The following CPSF1 variants were observed in gnomAD, a reference collection of about 807,000 sequenced individuals.
CPSF1 encodes cleavage and polyadenylation specific factor 1.
Under a neutral mutation model 175.8 loss-of-function variants are expected in CPSF1, and 106 were observed. The observed-to-expected ratio is 0.60, with a 90% CI of 0.52 to 0.71. The LOEUF (loss-of-function observed/expected upper bound fraction) is 0.71. CPSF1 is among the 30% of genes least tolerant of loss of function. The pLI, the probability that CPSF1 is intolerant of heterozygous loss-of-function variation, is 0.00. For missense variants in CPSF1, 1,734 were observed against 2,022.9 expected (o/e 0.86, Z 2.74); for synonymous variants, 1,024 against 858.3 (o/e 1.19, Z -3.37).
rs2116866671 is a variant in CPSF1 at position 144,399,824 on chromosome 8, G to A, written c.1076C>T (p.Ala359Val). 5.1e-6 allele frequency: 8 copies of A among 1,557,242 alleles called. No homozygotes were observed. The highest frequency in any genetic ancestry group is 4.8e-5 in the East Asian group (2 of 41,292). The change falls in exon 11 of 38, where the codon GCG becomes GTG. Residue 359 changes from alanine to valine, a missense_variant. Transcript: ENST00000616140. This position sits in a 1 kb window ranked among gnomAD's most constrained non-coding sequence, Gnocchi z 6.4. ...LITDGMRSVR[A>V]FHFDKAAASV... ...GGCGGCCGCCTTGTCAAAGTGGAAC[G>A]CTCGGACACTGCGCATGCCGTCGGT...
Position 144,399,738 on chromosome 8 carries a change from G to C in CPSF1, c.1120-28C>G. 2 of 1,602,484 alleles carry C rather than the reference G, an allele frequency of 1.2e-6. No homozygotes were observed. Among genetic ancestry groups the C allele is most frequent in the Admixed American group, 3.4e-5 (2 of 58,454 alleles). On this transcript the variant is annotated intron_variant, in intron 11 of 37. Transcript: ENST00000616140. The surrounding 1 kb of genome is among the most constrained non-coding windows in gnomAD (Gnocchi z 6.4). ...GAGGGAGGGCAGGTGTGTGATGGCT[G>C]GGCCGGGTCTGGACCCAGACCCAAC... is the stretch of plus-strand genomic sequence containing the variant.
rs1820888169 is a variant in CPSF1, at chr8:144,398,053, G to A, written c.1974C>T (p.Ile658=). The change falls in exon 20 of 38, where the codon ATC becomes ATT. Residue 658 remains isoleucine (I), a synonymous_variant. Transcript: ENST00000616140. ...QCAVADPYVV[I]MSAEGHVTMF... is the part of the protein sequence containing the mutation. ...TGGTGACGTGGCCCTCGGCACTCAT[G>A]ATGACCACATAGGGGTCGGCCACGG... 1 of 1,612,448 alleles carries A rather than the reference G, an allele frequency of 6.2e-7. No homozygotes were observed.
chr8:144,400,305 G>A, intron 8 of CPSF1, 29 bp from the exon 9 acceptor site: 3 of 1,610,878 alleles, frequency 1.9e-6, no homozygotes, highest in Non-Finnish European at 2.5e-6. Context: ...TGGTGGGCAG[G>A]CTCAGTGCTC....
At position 144,399,976 on chromosome 8, in the gene CPSF1, C is replaced by T. The variant is rs200643769; in HGVS notation, c.1031+16G>A. 1.4e-4 allele frequency: 147 copies of T among 1,051,862 alleles called. No individual in the cohort carries two copies. The highest frequency in any genetic ancestry group is 3.9e-4 in the East Asian group (9 of 23,246). 65.2% of individuals were successfully genotyped at this position (1,051,862 alleles called of 1,614,324 possible). On this transcript the variant is annotated intron_variant, in intron 10 of 37. Transcript: ENST00000616140. The surrounding 1 kb of genome is among the most constrained non-coding windows in gnomAD (Gnocchi z 6.4). ...GGGCGGTGTGGGCAGAGTTCATGGG[C>T]GGGGGAGGGGCTCACATCTCGCCGC...
Position 144,398,035 on chromosome 8 carries a change from G to T in CPSF1, c.1992C>A (p.His664Gln), listed in dbSNP as rs372432847. 1.9e-6 allele frequency: 3 copies of T among 1,612,220 alleles called. No individual in the cohort carries two copies. In the African/African-American group the frequency reaches 4.0e-5, roughly 22 times the overall value. ...PYVVIMSAEG[H>Q]VTMFLLKSDS... ...CACTCTTCAGCAGGAACATGGTGAC[G>T]TGGCCCTCGGCACTCATGATGACCA... is the stretch of plus-strand genomic sequence containing the variant. Residue 664 changes from histidine (H) to glutamine (Q), a missense_variant, in exon 20 of 38, where the codon CAC (histidine) becomes CAA (glutamine). Around this residue, in one of 10 missense-constraint regions of CPSF1, gnomAD observed 280 missense variants for 349.2 expected, o/e 0.80. Transcript: ENST00000616140.
In CPSF1 at chr8:144,393,604, G is replaced by A; in HGVS notation, c.4146-14C>T. The A allele has an allele frequency of 1.9e-6, 3 of 1,600,558 alleles. No homozygotes were observed. The highest frequency in any genetic ancestry group is 2.5e-6 in the Non-Finnish European group (3 of 1,177,042). ...ACGTGCAGCATCCTGGGGCGTACAGGCACAGGTGTCAGGGCAGGCTGGGGT... is the reference window on the plus strand; with the variant it reads ...ACGTGCAGCATCCTGGGGCGTACAGACACAGGTGTCAGGGCAGGCTGGGGT... On this transcript the variant is annotated splice_polypyrimidine_tract_variant and intron_variant, in intron 36 of 37. Transcript: ENST00000616140.
Position 144,398,104 on chromosome 8 carries a change from G to A in CPSF1, c.1923C>T (p.Asp641=), listed in dbSNP as rs1554864788. 1.9e-6 allele frequency: 3 copies of A among 1,601,676 alleles called. No individual in the cohort carries two copies. The highest frequency in any genetic ancestry group is 1.7e-4 in the Middle Eastern group (1 of 6,010). Residue 641 remains aspartate (D), a synonymous_variant, in exon 20 of 38, where the codon GAC becomes GAT. Coordinates refer to ENST00000616140, the MANE Select transcript of CPSF1 (RefSeq NM_013291.3). Reference sequence around the variant, plus strand: ...CGCACTGCACGATGGGGGCGCCCAGGTCCACGGGGATGAAGTGCAGCTGAT... The same window carrying A: ...CGCACTGCACGATGGGGGCGCCCAGATCCACGGGGATGAAGTGCAGCTGAT... ...GVNQLHFIPV[D]LGAPIVQCAV...
chr8:144,404,512 C>T (rs1327811228), intron 2 of CPSF1, among the ~76,000 whole-genome samples: 1 of 151,416 alleles, frequency 6.6e-6, no homozygotes, highest in Non-Finnish European at 1.5e-5. Context: ...ACTACAAGCG[C>T]CCACCACCAC....
At position 144,398,336 on chromosome 8, in the gene CPSF1, T is replaced by C; in HGVS notation, c.1860A>G (p.Gln620=). The C allele has an allele frequency of 1.3e-6, 2 of 1,481,592 alleles. No homozygotes were observed. Among genetic ancestry groups the C allele is most frequent in the East Asian group, 2.5e-5 (1 of 39,280 alleles). The allele number at this position is 1,481,592 out of a possible 1,614,324, so 91.8% of individuals were successfully genotyped here. The change falls in exon 19 of 38, where the codon CAA becomes CAG. Residue 620 remains glutamine, a synonymous_variant. Coordinates refer to ENST00000616140, the MANE Select transcript of CPSF1 (RefSeq NM_013291.3). ...GCAGGCGGATGCCCAGTGGTGACAC[T>C]TGGACAATGTAGCGGTTGTCCCCGA... ...GNIGDNRYIV[Q]VSPLGIRLLE...
chr8:144,398,742 C>A (rs1230581694), intron 17 of CPSF1, 37 bp downstream of exon 17: 1 of 1,590,900 alleles, frequency 6.3e-7, no homozygotes, highest in East Asian at 2.2e-5. Context: ...AGCGCCGGTC[C>A]CATCCCAGGG....
At position 144,396,436 on chromosome 8, in the gene CPSF1, T is replaced by C; in HGVS notation, c.2891A>G (p.His964Arg). 1.3e-6 allele frequency: 2 copies of C among 1,595,414 alleles called. No individual in the cohort carries two copies. Among genetic ancestry groups the C allele is most frequent in the South Asian group, 1.1e-5 (1 of 89,428 alleles). ...LVTGRGALRL[H>R]PMAIDGPVDS... ...GACCGGGCCGTCGATGGCCATGGGGTGTAGCCGCAGAGCCCCTCGGCCGGT... is the reference window on the plus strand; with the variant it reads ...GACCGGGCCGTCGATGGCCATGGGGCGTAGCCGCAGAGCCCCTCGGCCGGT... Residue 964 changes from histidine (H) to arginine (R), a missense_variant, in exon 26 of 38, where the codon CAC becomes CGC. Transcript: ENST00000616140.
At chr8:144,408,200 C>G (rs1449889219) in intron 2 of CPSF1, among the ~76,000 whole-genome samples, 1 of 152,088 alleles carries the variant, frequency 6.6e-6, no homozygotes. Context: ...TCCCTCCATC[C>G]CCACCACCAC....
Position 144,398,051 on chromosome 8 carries a change from A to G in CPSF1, c.1976T>C (p.Met659Thr), listed in dbSNP as rs781863095. 8.1e-6 allele frequency: 13 copies of G among 1,612,336 alleles called. No individual in the cohort carries two copies. The highest frequency in any genetic ancestry group is 4.5e-5 in the East Asian group (2 of 44,888). ...CAVADPYVVI[M>T]SAEGHVTMFL... The stretch of plus-strand genomic sequence containing the variant: ...CATGGTGACGTGGCCCTCGGCACTC[A>G]TGATGACCACATAGGGGTCGGCCAC... The change falls in exon 20 of 38, where the codon ATG becomes ACG. Residue 659 changes from methionine (M) to threonine (T), a missense_variant. Met to Thr is a moderately conservative substitution (Grantham distance 81). Transcript: ENST00000616140.
chr8:144,398,672 A>G (rs2116853412), intron 17 of CPSF1, 34 bp from the exon 18 acceptor site: 11 of 1,611,804 alleles, frequency 6.8e-6, no homozygotes, highest in Admixed American at 6.7e-5. Context: ...GCTGGAAGCC[A>G]CAGTCCAGTG....
rs781853967 is a variant in CPSF1, at chr8:144,394,145, C to T, written c.3827G>A (p.Arg1276His). The change falls in exon 34 of 38, where the codon CGC becomes CAC. Residue 1276 changes from arginine to histidine, a missense_variant. This residue lies in a region of CPSF1 where 323 missense variants were observed against 338.5 expected (regional missense o/e 0.95). Transcript: ENST00000616140. ...QLGFLVSDRDRNLMVYMYLPE... is the reference protein window; with the variant it reads ...QLGFLVSDRDHNLMVYMYLPE... ...CAGGTACATGTACACCATGAGGTTGCGGTCGCGGTCAGACACTGGGGAGCA... is the reference window on the plus strand; with the variant it reads ...CAGGTACATGTACACCATGAGGTTGTGGTCGCGGTCAGACACTGGGGAGCA... The T allele has an allele frequency of 1.4e-5, 22 of 1,612,634 alleles. No individual in the cohort carries two copies. The South Asian group carries it at 1.5e-4, about 11-fold the overall frequency.
chr8:144,401,148 C>T, intron 5 of CPSF1, 63 bp downstream of exon 5: 8 of 1,573,870 alleles, frequency 5.1e-6, no homozygotes, highest in Non-Finnish European at 6.9e-6. Flanking sequence ...CCACAGAACC[C>T]AGCTGCAGGG....
chr8:144,395,567 A>AG lies in CPSF1; in HGVS notation c.2980-17dup, dbSNP rs1271205952. 7.3e-5 allele frequency: 20 copies of AG among 273,854 alleles called. No homozygotes were observed. The Admixed American group carries it at 9.7e-4, about 13-fold the overall frequency. 17.0% of individuals were successfully genotyped at this position (273,854 alleles called of 1,614,324 possible). A position where few individuals can be genotyped will look rare whatever the true frequency, so the allele number is the denominator to read the frequency against. On this transcript the variant is annotated splice_polypyrimidine_tract_variant and intron_variant, in intron 26 of 37. Transcript: ENST00000616140. Reference sequence around the variant, plus strand: ...TCAGCTCGCCCTGGGGTGGGGGCACAGGGGTCAGGGGATCCAGGGCTAGCC... The same window carrying AG: ...TCAGCTCGCCCTGGGGTGGGGGCACAGGGGGTCAGGGGATCCAGGGCTAGCC...
At chr8:144,395,983 G>A (rs1209684856) in intron 26 of CPSF1, 2 of 393,394 alleles carry the variant, frequency 5.1e-6, no homozygotes, top group Non-Finnish European at 9.4e-6. Flanking sequence ...CTTAAATAGG[G>A]AACCAGGATG....
In CPSF1 at chr8:144,398,937, G is replaced by A. The variant is rs2116856407; in HGVS notation, c.1548+21C>T. ...ACCCAGGTCCCACCAGGAGGCGCCC[G>A]CCCCCTACCTGCCCACACACCTGCA... On this transcript the variant is annotated intron_variant, in intron 16 of 37. Transcript: ENST00000616140. The A allele has an allele frequency of 2.7e-5, 43 of 1,612,258 alleles. No individual in the cohort carries two copies. The Middle Eastern group carries it at 8.3e-4, about 31-fold the overall frequency.
Sources: allele counts gnomAD v4.1 joint callset (sites outside exome capture counted in the v4.1 genomes callset), GRCh38; gene constraint gnomAD v4.1.1; regional missense constraint gnomAD v4.1.1; non-coding constraint Gnocchi (gnomAD v3.1); transcripts MANE v1.5; gene names NCBI Gene and HGNC (gene_info 2026-07-23, HGNC 2026-07-21).